The following TENM2 variants were observed in gnomAD, a reference collection of about 807,000 sequenced individuals.
TENM2 encodes the protein teneurin-2.
A neutral mutation model predicts 245.2 loss-of-function variants in TENM2; 52 were observed. That is an observed-to-expected ratio of 0.21 (90% CI 0.17 to 0.27). The LOEUF is 0.27. Ranked by LOEUF, TENM2 falls within the 10% of genes least tolerant of loss-of-function variation. The pLI, the probability that TENM2 is intolerant of heterozygous loss-of-function variation, is 1.00. For missense variants in TENM2, 3,046 were observed against 3,666.8 expected (o/e 0.83, Z 4.37); for synonymous variants, 1,363 against 1,438.9 (o/e 0.95, Z 1.19).
intron 3 of TENM2, among the ~76,000 whole-genome samples, chr5:167,890,493 T>C (rs1241307622): frequency 6.6e-6 from 1 of 152,218 alleles, no homozygotes; most frequent in Non-Finnish European, 1.5e-5. Context: ...TGCAAACCAG[T>C]TTGATTTGTC....
intron 2 of TENM2, among the ~76,000 whole-genome samples, chr5:167,555,444 A>G (rs1166793353): frequency 8.0e-6 from 1 of 124,962 alleles, no homozygotes. Flanking sequence ...TGGATACCCT[A>G]CTGTCCGTTA....
chr5:167,820,722 A>G (rs1049786704), intron 2 of TENM2, among the ~76,000 whole-genome samples: 7 of 152,198 alleles, frequency 4.6e-5, no homozygotes, highest in Admixed American at 1.3e-4. Context: ...GGCCCCTCAA[A>G]CATAGTGAAA....
chr5:167,904,021 G>A (rs150361051), intron 3 of TENM2, among the ~76,000 whole-genome samples: 10 of 152,226 alleles, frequency 6.6e-5, no homozygotes, highest in Non-Finnish European at 7.4e-5. Flanking sequence ...TCATCTGAGC[G>A]GTCAATTTAA....
At chr5:167,589,620 A>G (rs1775745679) in intron 2 of TENM2, among the ~76,000 whole-genome samples, 13 of 152,134 alleles carry the variant, frequency 8.5e-5, no homozygotes, top group Admixed American at 8.5e-4. Context: ...AAATTTAGAA[A>G]AAAAATTGAA....
At chr5:167,779,692 C>T (rs906822843) in intron 2 of TENM2, among the ~76,000 whole-genome samples, 1 of 152,222 alleles carries the variant, frequency 6.6e-6, no homozygotes, top group Non-Finnish European at 1.5e-5. Context: ...GTCAGTGGCT[C>T]CCCTCTTCGT....
intron 2 of TENM2, among the ~76,000 whole-genome samples, chr5:167,428,602 A>G (rs569816681): frequency 2.0e-5 from 3 of 152,344 alleles, no homozygotes; most frequent in Non-Finnish European, 2.9e-5. Context: ...TGCAAAAAGT[A>G]AAATGATTAA....
At chr5:167,718,875 T>C (rs1759438803) in intron 2 of TENM2, among the ~76,000 whole-genome samples, 1 of 152,108 alleles carries the variant, frequency 6.6e-6, no homozygotes, top group Admixed American at 6.5e-5. Context: ...ATGATGATAC[T>C]ACTGCCCATT....
intron 23 of TENM2, among the ~76,000 whole-genome samples, chr5:168,224,302 C>T (rs77150539): frequency 7.9e-5 from 12 of 152,124 alleles, no homozygotes; most frequent in Admixed American, 1.3e-4. Context: ...CGAGTGATAG[C>T]GGTGGATCCT....
chr5:168,066,897 A>G (rs939592911), intron 7 of TENM2, among the ~76,000 whole-genome samples: 1 of 152,216 alleles, frequency 6.6e-6, no homozygotes, highest in Non-Finnish European at 1.5e-5. Context: ...GCTAGGTGTC[A>G]AAGGAAATCT....
intron 2 of TENM2, among the ~76,000 whole-genome samples, chr5:167,710,537 C>G (rs576826171): frequency 3.9e-5 from 6 of 152,216 alleles, no homozygotes; most frequent in African/African-American, 1.4e-4. Flanking sequence ...GCAGAACATT[C>G]AAGACAGAAG....
At chr5:167,182,535 A>C in the TENM2 span, among the ~76,000 whole-genome samples, 1 of 152,174 alleles carries the variant, frequency 6.6e-6, no homozygotes, top group East Asian at 1.9e-4. Context: ...AATATTTTCT[A>C]AACATTTTAT....
intron 2 of TENM2, among the ~76,000 whole-genome samples, chr5:167,737,175 G>A (rs1250685866): frequency 6.6e-6 from 1 of 152,188 alleles, no homozygotes; most frequent in African/African-American, 2.4e-5. Flanking sequence ...GTACGTCAAA[G>A]CGTTTTTAAA....
intron 3 of TENM2, among the ~76,000 whole-genome samples, chr5:167,907,883 C>G (rs1290405211): frequency 2.6e-5 from 4 of 151,748 alleles, no homozygotes; most frequent in Non-Finnish European, 2.9e-5. Flanking sequence ...TGATGATGCC[C>G]TAACTTAATT....
At chr5:167,695,161 C>A (rs1204022562) in intron 2 of TENM2, among the ~76,000 whole-genome samples, 4 of 152,156 alleles carry the variant, frequency 2.6e-5, no homozygotes, top group African/African-American at 7.2e-5. Context: ...AGGCACAGCA[C>A]CTGCAGTGGC....
At chr5:167,981,365 G>A (rs1782822121) in intron 4 of TENM2, among the ~76,000 whole-genome samples, 1 of 152,232 alleles carries the variant, frequency 6.6e-6, no homozygotes, top group Non-Finnish European at 1.5e-5. Flanking sequence ...TGATATAGGT[G>A]AAGCCTGGAA....
intron 27 of TENM2, among the ~76,000 whole-genome samples, chr5:168,256,585 C>T (rs549123109): frequency 6.6e-5 from 10 of 152,102 alleles, no homozygotes; most frequent in Non-Finnish European, 1.2e-4. Flanking sequence ...GCACCACGCC[C>T]GGCTATTTTT....
chr5:166,996,885 C>G, the TENM2 span, among the ~76,000 whole-genome samples: 2 of 152,270 alleles, frequency 1.3e-5, no homozygotes, highest in African/African-American at 4.8e-5. Flanking sequence ...TTTCTCTGAT[C>G]CATGAAGGCA....
At chr5:167,285,144 T>C (rs1006209535) in intron 1 of TENM2, 81 bp downstream of exon 3, 202 of 1,117,708 alleles carry the variant, frequency 1.8e-4, no homozygotes, top group Non-Finnish European at 2.5e-4. Context: ...CTTTTGGAGA[T>C]CCAGCATGGT....
At chr5:167,935,162 G>A (rs1778606380) in intron 3 of TENM2, among the ~76,000 whole-genome samples, 1 of 152,148 alleles carries the variant, frequency 6.6e-6, no homozygotes, top group African/African-American at 2.4e-5. Flanking sequence ...AGAGCCGTTA[G>A]TGCAATGGAG....
Sources: allele counts gnomAD v4.1 joint callset (sites outside exome capture counted in the v4.1 genomes callset), GRCh38; gene constraint gnomAD v4.1.1; transcripts MANE v1.5; gene names NCBI Gene and HGNC (gene_info 2026-07-23, HGNC 2026-07-21).